The following SYT1 variants were observed in gnomAD, a reference collection of about 807,000 sequenced individuals.
SYT1 encodes synaptotagmin 1.
A neutral mutation model predicts 44.8 loss-of-function variants in SYT1; 8 were observed. That is an observed-to-expected ratio of 0.18 (90% CI 0.10 to 0.32). The LOEUF is 0.32. Ranked by LOEUF, SYT1 falls within the 10% of genes least tolerant of loss-of-function variation. SYT1 has a pLI of 1.00. For synonymous variants in SYT1, 154 were observed against 188.8 expected (o/e 0.82, Z 1.51); for missense variants, 286 against 509.3 (o/e 0.56, Z 4.22).
intron 3 of SYT1, among the ~76,000 whole-genome samples, chr12:79,167,182 G>A (rs1473943662): frequency 6.6e-6 from 1 of 151,998 alleles, no homozygotes; most frequent in African/African-American, 2.4e-5. Flanking sequence ...TGCGATCTCA[G>A]ATTCCCTATG....
Position 79,261,782 on chromosome 12 carries a change from T to C in SYT1, c.167-24005T>C, listed in dbSNP as rs147505994. ...TGCGGTATTATTATTTCAATTTTCA[T>C]GTAAAGAAATAAAAGCTCAAAGAAG... On this transcript the variant is annotated intron_variant, in intron 4 of 10. Transcript: ENST00000261205. 3.1e-3 allele frequency among the ~76,000 whole-genome samples: 470 copies of C among 152,252 alleles called. 3 individuals are homozygous for C. Among genetic ancestry groups the C allele is most frequent in the Admixed American group, 8.4e-3 (128 of 15,276 alleles).
At chr12:79,361,164 C>A (rs1027884414) in intron 9 of SYT1, among the ~76,000 whole-genome samples, 1 of 150,428 alleles carries the variant, frequency 6.6e-6, no homozygotes, top group Non-Finnish European at 1.5e-5. Flanking sequence ...ACAGCAGACA[C>A]TTGCATAGCA....
At chr12:79,109,922 CTA>C (rs1304808964) in intron 3 of SYT1, among the ~76,000 whole-genome samples, 2 of 152,098 alleles carry the variant, frequency 1.3e-5, no homozygotes, top group African/African-American at 4.8e-5. Flanking sequence ...GTTTTCCACT[CTA>C]TATTGCTACT....
chr12:79,118,723 C>T (rs61927267), intron 3 of SYT1, among the ~76,000 whole-genome samples: 24,223 of 152,126 alleles, frequency 0.16, 2,085 homozygotes, highest in African/African-American at 0.22. Flanking sequence ...TTAAGAAATT[C>T]ACCAAATGTG....
chr12:79,329,864 T>C (rs1381675409), intron 8 of SYT1, among the ~76,000 whole-genome samples: 1 of 152,240 alleles, frequency 6.6e-6, no homozygotes, highest in Non-Finnish European at 1.5e-5. Context: ...ACTTATTGCT[T>C]GTTTAGAGAA....
intron 4 of SYT1, among the ~76,000 whole-genome samples, chr12:79,221,980 G>T (rs917151080): frequency 2.0e-5 from 3 of 151,950 alleles, no homozygotes; most frequent in African/African-American, 7.3e-5. Context: ...TATAAGACAG[G>T]CCTGGTGGTA....
At chr12:79,132,549 C>T (rs1006811988) in intron 3 of SYT1, among the ~76,000 whole-genome samples, 1 of 151,466 alleles carries the variant, frequency 6.6e-6, no homozygotes, top group African/African-American at 2.4e-5. Flanking sequence ...ATCATCTTAA[C>T]CCGGTTAGGA....
intron 5 of SYT1, among the ~76,000 whole-genome samples, chr12:79,289,385 T>C (rs1041452777): frequency 6.6e-6 from 1 of 152,170 alleles, no homozygotes; most frequent in Non-Finnish European, 1.5e-5. Context: ...GGTCTGAATT[T>C]AATATGATGG....
intron 1 of SYT1, among the ~76,000 whole-genome samples, chr12:78,943,791 C>T (rs1257893270): frequency 6.6e-6 from 1 of 152,156 alleles, no homozygotes; most frequent in African/African-American, 2.4e-5. Flanking sequence ...TGCAAAACTT[C>T]TCAACTACAA....
intron 4 of SYT1, among the ~76,000 whole-genome samples, chr12:79,239,998 A>C (rs575571807): frequency 6.6e-6 from 1 of 152,334 alleles, no homozygotes; most frequent in East Asian, 1.9e-4. Flanking sequence ...CTTTTGATGA[A>C]TTGAAATACA....
At chr12:79,319,121 G>T (rs1881235204) in intron 8 of SYT1, among the ~76,000 whole-genome samples, 1 of 152,178 alleles carries the variant, frequency 6.6e-6, no homozygotes, top group Admixed American at 6.5e-5. Context: ...ATGACATAAA[G>T]GCAATGGAAC....
At chr12:78,904,180 T>C (rs1052206901) in intron 1 of SYT1, among the ~76,000 whole-genome samples, 4 of 152,134 alleles carry the variant, frequency 2.6e-5, no homozygotes, top group African/African-American at 9.6e-5. Context: ...CACTAGTGTG[T>C]ATTGAATTTG....
intron 2 of SYT1, among the ~76,000 whole-genome samples, chr12:78,979,993 CT>C (rs1455783185): frequency 6.6e-6 from 1 of 152,078 alleles, no homozygotes; most frequent in African/African-American, 2.4e-5. Context: ...GAGTGTCTTA[CT>C]TTCAGAAGAT....
At chr12:79,006,359 T>TG (rs898630184) in intron 2 of SYT1, among the ~76,000 whole-genome samples, 2 of 151,724 alleles carry the variant, frequency 1.3e-5, no homozygotes, top group African/African-American at 4.8e-5. Context: ...GGCCAAAGAG[T>TG]GGCTAGTATG....
chr12:78,939,594 T>A (rs980098417), intron 1 of SYT1, among the ~76,000 whole-genome samples: 4 of 152,210 alleles, frequency 2.6e-5, no homozygotes, highest in Middle Eastern at 3.4e-3. Context: ...GTCCCTTGTC[T>A]CCAGGAGAAA....
intron 2 of SYT1, among the ~76,000 whole-genome samples, chr12:79,033,425 T>C (rs1872941407): frequency 6.6e-6 from 1 of 151,432 alleles, no homozygotes; most frequent in Admixed American, 6.6e-5. Context: ...TTTAAAAACA[T>C]CTTTGAATTC....
chr12:78,876,910 G>T (rs185039560), intron 1 of SYT1, among the ~76,000 whole-genome samples: 1 of 51,124 alleles, frequency 2.0e-5, no homozygotes, highest in African/African-American at 5.7e-5. Flanking sequence ...TATATTATAT[G>T]TATTATATAT....
At chr12:79,226,524 A>C (rs1471687907) in intron 4 of SYT1, among the ~76,000 whole-genome samples, 1 of 152,186 alleles carries the variant, frequency 6.6e-6, no homozygotes, top group Admixed American at 6.5e-5. Flanking sequence ...GCAACCTGAA[A>C]TAACAGAATG....
chr12:79,233,684 G>A (rs1876004673), intron 4 of SYT1, among the ~76,000 whole-genome samples: 1 of 152,122 alleles, frequency 6.6e-6, no homozygotes, highest in Non-Finnish European at 1.5e-5. Flanking sequence ...GCTCTAATGC[G>A]ATTTACCTGG....
Sources: gnomAD v4.1 joint callset for allele counts (sites outside exome capture counted in the v4.1 genomes callset) on GRCh38, gnomAD v4.1.1 for gene constraint, MANE v1.5 for transcripts, NCBI Gene and HGNC (gene_info 2026-07-23, HGNC 2026-07-21) for gene names.